LMX1A: variants seen among roughly 807,000 people sequenced by gnomAD.
LMX1A encodes LIM homeobox transcription factor 1 alpha, also known as LIM homeobox transcription factor 1-alpha.
Under a neutral mutation model 49.1 loss-of-function variants are expected in LMX1A, and 15 were observed. The observed-to-expected ratio is 0.31, with a 90% CI of 0.20 to 0.47. The LOEUF (loss-of-function observed/expected upper bound fraction) is 0.47, where lower values mean the gene tolerates loss of function less well. Among genes scored for constraint, LMX1A ranks in the 20% least tolerant of loss-of-function variants. LMX1A has a pLI of 1.00. For missense variants in LMX1A, 372 were observed against 475.8 expected (o/e 0.78, Z 2.03); for synonymous variants, 167 against 185.7 (o/e 0.90, Z 0.82).
Position 165,312,888 on chromosome 1 carries a change from CAATG to C in LMX1A, c.263+40184_263+40187del, listed in dbSNP as rs369107421. Among the ~76,000 whole-genome samples, 406 of 152,192 alleles carry C rather than the reference CAATG, an allele frequency of 2.7e-3. 14 individuals are homozygous for C. The South Asian group carries it at 0.061, about 23-fold the overall frequency. On this transcript the variant is annotated intron_variant, in intron 3 of 8. Transcript: ENST00000342310. The stretch of plus-strand genomic sequence containing the variant: ...AATTTTGGCTTGGTTTGTTATGTGC[CAATG>C]AATGATAGGAATTTATATTTAGACT...
chr1:165,350,809 C>G lies in LMX1A; in HGVS notation c.263+2267G>C, dbSNP rs114423568. Reference sequence around the variant, plus strand: ...GGACAAAAACCTCAATTCTGGAAATCTATGGTTCCAAAAATATTTTTAAAA... The same window carrying G: ...GGACAAAAACCTCAATTCTGGAAATGTATGGTTCCAAAAATATTTTTAAAA... On this transcript the variant is annotated intron_variant, in intron 3 of 8. Coordinates refer to ENST00000342310, the MANE Select transcript of LMX1A (RefSeq NM_177398.4). 7.2e-3 allele frequency among the ~76,000 whole-genome samples: 1,095 copies of G among 152,294 alleles called. 14 individuals carry two copies. Among genetic ancestry groups the G allele is most frequent in the African/African-American group, 0.025 (1,022 of 41,548 alleles).
intron 4 of LMX1A, among the ~76,000 whole-genome samples, chr1:165,227,184 T>C (rs1316600448): frequency 2.0e-5 from 3 of 151,964 alleles, no homozygotes; most frequent in East Asian, 1.9e-4. Flanking sequence ...GACAGAAGCA[T>C]GGACAGTGAA....
At chr1:165,206,367 C>A (rs190550005) in intron 7 of LMX1A, among the ~76,000 whole-genome samples, 4 of 152,230 alleles carry the variant, frequency 2.6e-5, no homozygotes. Context: ...GAGTTGTGAC[C>A]AGTTGACCTC....
At chr1:165,290,357 T>G (rs1049513019) in intron 3 of LMX1A, among the ~76,000 whole-genome samples, 1 of 152,252 alleles carries the variant, frequency 6.6e-6, no homozygotes, top group Admixed American at 6.5e-5. Context: ...CCTTGCTGCT[T>G]CTGGCTTCTG....
chr1:165,246,888 T>C (rs188715536), intron 4 of LMX1A, among the ~76,000 whole-genome samples: 1 of 109,574 alleles, frequency 9.1e-6, no homozygotes, highest in Admixed American at 8.4e-5. Context: ...CATGAATGAA[T>C]AAACTGGAAA....
chr1:165,246,907 A>G (rs541593927), intron 4 of LMX1A, among the ~76,000 whole-genome samples: 1 of 152,344 alleles, frequency 6.6e-6, no homozygotes, highest in Admixed American at 6.5e-5. Flanking sequence ...AAGCTCCAAT[A>G]TGTCAATATC....
At chr1:165,284,458 C>T (rs571001148) in intron 3 of LMX1A, among the ~76,000 whole-genome samples, 120 of 152,302 alleles carry the variant, frequency 7.9e-4, no homozygotes, top group African/African-American at 2.4e-3. Flanking sequence ...AAACACTGAA[C>T]GCTCATTCTG....
In LMX1A at chr1:165,205,915, G is replaced by A. The variant is rs776905403; in HGVS notation, c.937C>T (p.Arg313Ter). The A allele has an allele frequency of 9.9e-6, 16 of 1,614,082 alleles. No individual in the cohort carries two copies. The highest frequency in any genetic ancestry group is 2.2e-5 in the South Asian group (2 of 91,078). ...ATCTGGGGTGGGGTGAGACCCTGTC[G>A]GAAGGGATCTGAGCTGTAGACACTC... ...EQSVYSSDPF[R>*]QGLTPPQMPG... is the part of the protein sequence containing the mutation. The change falls in exon 8 of 9, where the codon CGA (arginine) becomes TGA (stop). Residue 313 changes from arginine to a stop codon, truncating the protein, a stop_gained. Coordinates refer to ENST00000342310, the MANE Select transcript of LMX1A (RefSeq NM_177398.4). LOFTEE classifies it high-confidence loss of function.
chr1:165,275,830 C>T (rs561568906), intron 3 of LMX1A, among the ~76,000 whole-genome samples: 38 of 139,964 alleles, frequency 2.7e-4, no homozygotes, highest in Non-Finnish European at 4.2e-4. Context: ...GCTTTTATGG[C>T]GCTGGGGTGT....
At chr1:165,236,399 TTC>T (rs1253345861) in intron 4 of LMX1A, among the ~76,000 whole-genome samples, 1 of 151,866 alleles carries the variant, frequency 6.6e-6, no homozygotes, top group Non-Finnish European at 1.5e-5. Flanking sequence ...ACACTGTGGG[TTC>T]TCTCTCCCCC....
chr1:165,355,794 G>C lies in LMX1A; in HGVS notation c.-22-213C>G. ...ATCTGATTTCACTTGAAGTCAACACGTTATGTACTTAGGCCTCCGCCCCCC... is the reference window on the plus strand; with the variant it reads ...ATCTGATTTCACTTGAAGTCAACACCTTATGTACTTAGGCCTCCGCCCCCC... On this transcript the variant is annotated intron_variant, in intron 1 of 8. Coordinates refer to ENST00000342310, the MANE Select transcript of LMX1A (RefSeq NM_177398.4). This position sits in a 1 kb window ranked among gnomAD's most constrained non-coding sequence, Gnocchi z 4.7. 1 of 565,130 alleles carries C rather than the reference G, an allele frequency of 1.8e-6. No homozygotes were observed. The highest frequency in any genetic ancestry group is 2.2e-5 in the South Asian group (1 of 44,786). The allele number at this position is 565,130 out of a possible 1,614,324, so 35.0% of individuals were successfully genotyped here.
intron 3 of LMX1A, among the ~76,000 whole-genome samples, chr1:165,326,350 G>A (rs1366183757): frequency 1.3e-5 from 2 of 152,158 alleles, no homozygotes; most frequent in African/African-American, 4.8e-5. Context: ...GATCCACTAG[G>A]AATGTCTCAA....
chr1:165,294,027 T>G (rs1409763602), intron 3 of LMX1A, among the ~76,000 whole-genome samples: 3 of 152,206 alleles, frequency 2.0e-5, no homozygotes, highest in African/African-American at 7.2e-5. Flanking sequence ...ATGGGCACTA[T>G]CATTAGGTCC....
intron 4 of LMX1A, among the ~76,000 whole-genome samples, chr1:165,247,903 T>G (rs1284459343): frequency 6.6e-6 from 1 of 152,214 alleles, no homozygotes; most frequent in East Asian, 1.9e-4. Context: ...GCTTTTGCAC[T>G]TAAGCACCAT....
chr1:165,325,235 A>G (rs1255495437), intron 3 of LMX1A, among the ~76,000 whole-genome samples: 1 of 152,218 alleles, frequency 6.6e-6, no homozygotes, highest in Non-Finnish European at 1.5e-5. Flanking sequence ...CCAGACTTGT[A>G]TAATCAGTTT....
chr1:165,332,600 ATAAT>A (rs1655780890), intron 3 of LMX1A, among the ~76,000 whole-genome samples: 1 of 152,234 alleles, frequency 6.6e-6, no homozygotes, highest in Admixed American at 6.5e-5. Flanking sequence ...TACAATTACA[ATAAT>A]TAATTGTCAA....
intron 3 of LMX1A, among the ~76,000 whole-genome samples, chr1:165,250,710 T>C (rs1653026442): frequency 6.6e-6 from 1 of 152,356 alleles, no homozygotes; most frequent in East Asian, 1.9e-4. Context: ...TTCAGGCTAA[T>C]GGAAGAAACA....
intron 3 of LMX1A, among the ~76,000 whole-genome samples, chr1:165,321,996 C>T (rs1313462939): frequency 2.0e-5 from 3 of 151,940 alleles, no homozygotes; most frequent in African/African-American, 7.3e-5. Flanking sequence ...AAGACAAACA[C>T]AACTTTAAAA....
At chr1:165,249,269 T>C in intron 4 of LMX1A, 139 bp downstream of exon 4, 1 of 620,562 alleles carries the variant, frequency 1.6e-6, no homozygotes, top group South Asian at 1.9e-5. Flanking sequence ...CAAAGAAAGT[T>C]CCTGAAATAC....
Sources: gnomAD v4.1 joint callset for allele counts (sites outside exome capture counted in the v4.1 genomes callset) on GRCh38, gnomAD v4.1.1 for gene constraint, Gnocchi (gnomAD v3.1) non-coding constraint, MANE v1.5 for transcripts, NCBI Gene and HGNC (gene_info 2026-07-23, HGNC 2026-07-21) for gene names.